Variants in HMCN1 observed in about 807,000 individuals in gnomAD.
HMCN1 encodes the protein hemicentin 1.
A neutral mutation model predicts 625.9 loss-of-function variants in HMCN1; 321 were observed. The observed-to-expected ratio is 0.51, with a 90% confidence interval of 0.47 to 0.56. The LOEUF is 0.56. HMCN1 is among the 20% of genes least tolerant of loss of function. The pLI, the probability that HMCN1 is intolerant of heterozygous loss-of-function variation, is 0.00. For synonymous variants in HMCN1, 2,425 were observed against 2,417.6 expected (o/e 1.00, Z -0.09); for missense variants, 6,588 against 6,887.3 (o/e 0.96, Z 1.54).
chr1:185,954,630 C>T (rs888535476), intron 11 of HMCN1, among the ~76,000 whole-genome samples: 1 of 151,826 alleles, frequency 6.6e-6, no homozygotes, highest in African/African-American at 2.4e-5. Flanking sequence ...AATGTATGAC[C>T]CCACTTAAAA....
Position 185,862,446 on chromosome 1 carries a change from C to T in HMCN1, c.340-2024C>T, listed in dbSNP as rs1662933851. On this transcript the variant is annotated intron_variant, in intron 2 of 106. Coordinates refer to ENST00000271588, the MANE Select transcript of HMCN1 (RefSeq NM_031935.3). ...AAGAAGAAGGAGGAGTCAAAAATGA[C>T]TCAGGTTTTGAAACCAAATATCTAT... Among the ~76,000 whole-genome samples the T allele has an allele frequency of 2.6e-5, 4 of 152,052 alleles. No homozygotes were observed. The South Asian group carries it at 8.3e-4, about 31-fold the overall frequency.
chr1:185,804,139 T>A (rs1025752613), intron 1 of HMCN1, among the ~76,000 whole-genome samples: 1 of 152,064 alleles, frequency 6.6e-6, no homozygotes, highest in Admixed American at 6.6e-5. Flanking sequence ...AAAATTGAAA[T>A]GGCTAAAGAG....
chr1:185,917,845 G>T (rs143322973), intron 6 of HMCN1, among the ~76,000 whole-genome samples: 1 of 152,134 alleles, frequency 6.6e-6, no homozygotes, highest in Non-Finnish European at 1.5e-5. Flanking sequence ...GTAATTTTCC[G>T]CTGGAGCTCT....
chr1:186,101,869 T>C (rs186410875), intron 68 of HMCN1, among the ~76,000 whole-genome samples: 1 of 152,204 alleles, frequency 6.6e-6, no homozygotes, highest in Admixed American at 6.5e-5. Flanking sequence ...ACAAACAACT[T>C]GATACGAAAA....
rs1653438764 is a variant in HMCN1 at position 186,187,796 on chromosome 1, A to G, written c.16415-87A>G. 5.8e-6 allele frequency: 9 copies of G among 1,558,284 alleles called. No homozygotes were observed. In the East Asian group the frequency reaches 2.0e-4, roughly 35 times the overall value. On this transcript the variant is annotated intron_variant, in intron 105 of 106. Transcript: ENST00000271588. ...TGGCAGGAGAAGGCTAGCCCTCCAC[A>G]TTCTAGTCACACATCTACAGTGCCT...
intron 40 of HMCN1, among the ~76,000 whole-genome samples, chr1:186,043,581 CAT>C (rs1397794719): frequency 6.6e-6 from 1 of 152,140 alleles, no homozygotes; most frequent in Non-Finnish European, 1.5e-5. Flanking sequence ...CTTCTGCAGT[CAT>C]AATGAACTCA....
Position 186,145,399 on chromosome 1 carries a change from G to C in HMCN1, c.14267-4G>C, listed in dbSNP as rs1345502641. 1.9e-6 allele frequency: 3 copies of C among 1,566,756 alleles called. No individual in the cohort carries two copies. The African/African-American group carries it at 4.1e-5, about 21-fold the overall frequency. On this transcript the variant is annotated splice_polypyrimidine_tract_variant and splice_region_variant and intron_variant, in intron 91 of 106. Coordinates refer to ENST00000271588, the MANE Select transcript of HMCN1 (RefSeq NM_031935.3). The stretch of plus-strand genomic sequence containing the variant: ...TTTTCATCTCAGATTATTCTGTCTT[G>C]TAGCCCATGGTAACTGGAGTCCTTG...
At chr1:185,839,095 C>T (rs1208019797) in intron 1 of HMCN1, among the ~76,000 whole-genome samples, 2 of 152,174 alleles carry the variant, frequency 1.3e-5, no homozygotes, top group East Asian at 1.9e-4. Context: ...ATTCTCCCAA[C>T]ATGTGGAAAT....
chr1:186,109,540 C>T (rs974777622), intron 71 of HMCN1, among the ~76,000 whole-genome samples: 3 of 152,058 alleles, frequency 2.0e-5, no homozygotes, highest in Non-Finnish European at 4.4e-5. Flanking sequence ...AGAATGAACG[C>T]CACTAGTAAA....
chr1:186,151,839 A>C (rs2102575664), intron 95 of HMCN1, 96 bp downstream of exon 95: 1 of 1,311,630 alleles, frequency 7.6e-7, no homozygotes, highest in Non-Finnish European at 1.1e-6. Context: ...GAATAATTTG[A>C]AACTTTTTAC....
At chr1:185,783,344 C>CT (rs1657286318) in intron 1 of HMCN1, among the ~76,000 whole-genome samples, 1 of 152,200 alleles carries the variant, frequency 6.6e-6, no homozygotes, top group Admixed American at 6.5e-5. Context: ...CTTCTCTCAA[C>CT]TTATCAAAGT....
At chr1:186,135,523 A>T (rs934428906) in intron 86 of HMCN1, among the ~76,000 whole-genome samples, 2 of 152,208 alleles carry the variant, frequency 1.3e-5, no homozygotes, top group Non-Finnish European at 2.9e-5. Context: ...CCTGTCATGT[A>T]GACATCGCTA....
intron 89 of HMCN1, among the ~76,000 whole-genome samples, chr1:186,141,470 C>CA (rs1553303679): frequency 3.9e-5 from 6 of 152,268 alleles, no homozygotes; most frequent in Admixed American, 1.3e-4. Flanking sequence ...TTCCCTGCCC[C>CA]AGTTAGTTAG....
At chr1:185,790,423 T>G (rs1166647658) in intron 1 of HMCN1, among the ~76,000 whole-genome samples, 3 of 152,174 alleles carry the variant, frequency 2.0e-5, no homozygotes, top group Admixed American at 1.3e-4. Context: ...CTTTTATGCT[T>G]GGTTTTCATA....
At chr1:185,843,708 C>A (rs1661634601) in intron 1 of HMCN1, among the ~76,000 whole-genome samples, 2 of 152,162 alleles carry the variant, frequency 1.3e-5, no homozygotes, top group Admixed American at 6.5e-5. Flanking sequence ...AGGGATAGGG[C>A]AGCTGGGCAA....
intron 36 of HMCN1, among the ~76,000 whole-genome samples, chr1:186,033,115 A>T (rs1483583851): frequency 1.3e-5 from 2 of 151,862 alleles, no homozygotes; most frequent in Non-Finnish European, 2.9e-5. Context: ...CTACTCAACC[A>T]TAAAAAGGAA....
intron 26 of HMCN1, among the ~76,000 whole-genome samples, chr1:186,000,990 A>T (rs925763039): frequency 8.6e-5 from 13 of 152,042 alleles, no homozygotes; most frequent in African/African-American, 3.1e-4. Context: ...GTCTCATGTG[A>T]CTTAATTAAG....
chr1:186,101,541 G>A (rs931213028), intron 68 of HMCN1, among the ~76,000 whole-genome samples: 3 of 152,104 alleles, frequency 2.0e-5, no homozygotes, highest in Non-Finnish European at 4.4e-5. Context: ...AAATTCTGGA[G>A]TTATTGGAGT....
At chr1:186,119,724 T>G (rs768227553) in intron 78 of HMCN1, 21 bp from the exon 79 acceptor site, 2 of 1,613,412 alleles carry the variant, frequency 1.2e-6, no homozygotes, top group East Asian at 2.2e-5. Context: ...TACTTCTTTT[T>G]GTTGATTGGT....
Sources: gnomAD v4.1 joint callset for allele counts (sites outside exome capture counted in the v4.1 genomes callset) on GRCh38, gnomAD v4.1.1 for gene constraint, MANE v1.5 for transcripts, NCBI Gene and HGNC (gene_info 2026-07-23, HGNC 2026-07-21) for gene names.